Variants in TMEM163 observed in about 807,000 individuals in gnomAD.
TMEM163 encodes the protein transmembrane protein 163.
A neutral mutation model predicts 29.3 loss-of-function variants in TMEM163; 17 were observed. The ratio of observed to expected loss-of-function variants is 0.58; its 90% confidence interval spans 0.40 to 0.87. The LOEUF (loss-of-function observed/expected upper bound fraction) is 0.87, where lower values mean the gene tolerates loss of function less well. Among genes scored for constraint, TMEM163 ranks in the 40% least tolerant of loss-of-function variants. The pLI is 0.00. For synonymous variants in TMEM163, 157 were observed against 160.6 expected, an observed-to-expected ratio of 0.98 and a Z score of 0.17; for missense variants, 303 against 381.5, an observed-to-expected ratio of 0.79 and a Z score of 1.71.
At chr2:134,673,255 G>C (rs1466006326) in intron 2 of TMEM163, among the ~76,000 whole-genome samples, 1 of 152,098 alleles carries the variant, frequency 6.6e-6, no homozygotes, top group African/African-American at 2.4e-5. Flanking sequence ...ATTGGCACGT[G>C]TTGGTATGGC....
At chr2:134,560,475 A>G (rs552429255) in intron 2 of TMEM163, among the ~76,000 whole-genome samples, 2 of 152,284 alleles carry the variant, frequency 1.3e-5, no homozygotes, top group South Asian at 4.1e-4. Flanking sequence ...AAGGGCTCAA[A>G]ACACCGGGAG....
In TMEM163 at chr2:134,582,328, G is replaced by A. The variant is rs534929544; in HGVS notation, c.323-30237C>T. On this transcript the variant is annotated intron_variant, in intron 2 of 7. Coordinates refer to ENST00000281924, the MANE Select transcript of TMEM163 (RefSeq NM_030923.5). Reference sequence around the variant, plus strand: ...GTCAGTATGGTAGGTGCACCTAATAGCAATAACTTAAGAAATGACAGCTGC... The same window carrying A: ...GTCAGTATGGTAGGTGCACCTAATAACAATAACTTAAGAAATGACAGCTGC... Among the ~76,000 whole-genome samples the A allele has an allele frequency of 3.3e-5, 5 of 152,254 alleles. No individual in the cohort carries two copies. The East Asian group carries it at 9.6e-4, about 29-fold the overall frequency.
At chr2:134,571,363 CAG>C (rs1681422930) in intron 2 of TMEM163, among the ~76,000 whole-genome samples, 1 of 152,130 alleles carries the variant, frequency 6.6e-6, no homozygotes, top group African/African-American at 2.4e-5. Flanking sequence ...GACCACAGAA[CAG>C]GGGAGCTTCT....
At chr2:134,476,316 G>A (rs1686911694) in intron 5 of TMEM163, among the ~76,000 whole-genome samples, 1 of 152,186 alleles carries the variant, frequency 6.6e-6, no homozygotes, top group African/African-American at 2.4e-5. Context: ...GAGAGGAGGT[G>A]ATTAATGACA....
chr2:134,509,510 C>A (rs893319527), intron 4 of TMEM163, among the ~76,000 whole-genome samples: 3 of 152,252 alleles, frequency 2.0e-5, no homozygotes, highest in East Asian at 1.9e-4. Context: ...ACATGCCAGT[C>A]TCTCTCTTGT....
rs1351896715 is a variant in TMEM163, at chr2:134,594,153, A to C, written c.323-42062T>G. Among the ~76,000 whole-genome samples, 3 of 152,242 alleles carry C rather than the reference A, an allele frequency of 2.0e-5. No individual in the cohort carries two copies. In the East Asian group the frequency reaches 5.8e-4, roughly 29 times the overall value. On this transcript the variant is annotated intron_variant, in intron 2 of 7. Transcript: ENST00000281924. Reference sequence around the variant, plus strand: ...AGCAGAAAACGTGTGTATCTGGCTTACTCAAGAAACACTTGTAATCTGCAT... The same window carrying C: ...AGCAGAAAACGTGTGTATCTGGCTTCCTCAAGAAACACTTGTAATCTGCAT...
intron 4 of TMEM163, among the ~76,000 whole-genome samples, chr2:134,545,346 C>CTT (rs1366802674): frequency 6.6e-6 from 1 of 152,284 alleles, no homozygotes; most frequent in South Asian, 2.1e-4. Flanking sequence ...CTGACTCTTC[C>CTT]TTTTACCTTT....
chr2:134,641,870 A>G (rs1006308293), intron 2 of TMEM163, among the ~76,000 whole-genome samples: 8 of 152,214 alleles, frequency 5.3e-5, no homozygotes, highest in Non-Finnish European at 1.0e-4. Context: ...TAAATAGGTT[A>G]AAAGCCAAAT....
intron 5 of TMEM163, among the ~76,000 whole-genome samples, chr2:134,473,197 C>T (rs751058109): frequency 2.0e-5 from 3 of 152,036 alleles, no homozygotes; most frequent in Non-Finnish European, 4.4e-5. Context: ...TCAAATTAAT[C>T]CCAAAGTAAG....
At chr2:134,484,270 G>A (rs762238719) in intron 5 of TMEM163, among the ~76,000 whole-genome samples, 19 of 152,136 alleles carry the variant, frequency 1.2e-4, no homozygotes, top group Non-Finnish European at 2.1e-4. Context: ...GAAATTCTCA[G>A]AACACCGAAG....
intron 6 of TMEM163, chr2:134,459,392 T>G (rs546953319): frequency 1.0e-5 from 1 of 96,016 alleles, no homozygotes; most frequent in Non-Finnish European, 2.0e-5. Context: ...TACCTCATAT[T>G]CCCCACACCA....
chr2:134,523,843 C>T (rs1238918420), intron 4 of TMEM163, among the ~76,000 whole-genome samples: 6 of 152,238 alleles, frequency 3.9e-5, no homozygotes, highest in Admixed American at 3.9e-4. Flanking sequence ...CACTTCTCCC[C>T]CAACTCCCTC....
At chr2:134,560,630 A>T (rs1336523774) in intron 2 of TMEM163, among the ~76,000 whole-genome samples, 1 of 152,216 alleles carries the variant, frequency 6.6e-6, no homozygotes, top group Non-Finnish European at 1.5e-5. Flanking sequence ...AAGATCTAGG[A>T]TTAAGGAAAG....
chr2:134,604,604 T>A (rs1682311301), intron 2 of TMEM163, among the ~76,000 whole-genome samples: 1 of 152,070 alleles, frequency 6.6e-6, no homozygotes, highest in African/African-American at 2.4e-5. Flanking sequence ...ACCATGGGAA[T>A]TGGAAACACA....
At chr2:134,680,824 A>G in intron 2 of TMEM163, among the ~76,000 whole-genome samples, 1 of 152,196 alleles carries the variant, frequency 6.6e-6, no homozygotes, top group Non-Finnish European at 1.5e-5. Context: ...GCCACGTGTC[A>G]GCTGTGATCG....
At chr2:134,599,053 G>A (rs1163037146) in intron 2 of TMEM163, among the ~76,000 whole-genome samples, 2 of 147,890 alleles carry the variant, frequency 1.4e-5, no homozygotes, top group Non-Finnish European at 3.0e-5. Context: ...CACACCAGCT[G>A]TGGACAAGAT....
intron 2 of TMEM163, among the ~76,000 whole-genome samples, chr2:134,564,840 C>G (rs1317797675): frequency 1.3e-5 from 2 of 152,198 alleles, no homozygotes; most frequent in Non-Finnish European, 2.9e-5. Context: ...AAAAAGCTGA[C>G]AGTTTCAAAC....
intron 2 of TMEM163, among the ~76,000 whole-genome samples, chr2:134,690,404 G>C (rs1684440722): frequency 6.6e-6 from 1 of 151,844 alleles, no homozygotes. Context: ...TCCTGCCTCA[G>C]CCTCCTGAGT....
At chr2:134,680,188 GC>G (rs1444833695) in intron 2 of TMEM163, among the ~76,000 whole-genome samples, 1 of 152,038 alleles carries the variant, frequency 6.6e-6, no homozygotes, top group Admixed American at 6.5e-5. Flanking sequence ...ATGTTTTGGA[GC>G]AAAAAATCTT....
Sources: allele counts gnomAD v4.1 joint callset (sites outside exome capture counted in the v4.1 genomes callset), GRCh38; gene constraint gnomAD v4.1.1; transcripts MANE v1.5; gene names NCBI Gene and HGNC (gene_info 2026-07-23, HGNC 2026-07-21).